Variants in BLTP1 observed in about 807,000 individuals in gnomAD.
BLTP1 encodes fragile site-associated protein.
chr4:122,209,735 A>G, the BLTP1 span: 1 of 1,497,736 alleles, frequency 6.7e-7, no homozygotes, highest in Non-Finnish European at 8.9e-7. Context: ...ATAATAATAA[A>G]ATTTGATTAT....
the BLTP1 span, chr4:122,152,405 G>A: frequency 1.0e-6 from 1 of 985,804 alleles, no homozygotes; most frequent in Non-Finnish European, 1.2e-6. Context: ...CTGCGGCCAG[G>A]GTCTGGACCT....
the BLTP1 span, among the ~76,000 whole-genome samples, chr4:122,233,019 A>C: frequency 6.6e-6 from 1 of 152,200 alleles, no homozygotes; most frequent in African/African-American, 2.4e-5. Context: ...TAGTTCCATT[A>C]GATTAATGTT....
the BLTP1 span, chr4:122,328,641 A>G: frequency 1.0e-6 from 1 of 983,070 alleles, no homozygotes; most frequent in Non-Finnish European, 1.2e-6. Flanking sequence ...GTTACGAGTA[A>G]ATTAAAGGAG....
chr4:122,200,311 C>T, the BLTP1 span: 8 of 981,996 alleles, frequency 8.1e-6, no homozygotes, highest in Non-Finnish European at 9.7e-6. Flanking sequence ...GATGTGGTGA[C>T]TCACACCTGT....
the BLTP1 span, chr4:122,247,973 C>T: frequency 2.0e-6 from 2 of 985,184 alleles, no homozygotes; most frequent in Non-Finnish European, 2.4e-6. Flanking sequence ...GATGATTGCT[C>T]TGCTGAAATC....
At chr4:122,240,500 C>A in the BLTP1 span, 1 of 672,706 alleles carries the variant, frequency 1.5e-6, no homozygotes, top group South Asian at 2.0e-5. Flanking sequence ...TATGATAGGT[C>A]ACAGAGTTAT....
At chr4:122,346,751 A>C in the BLTP1 span, 1 of 1,608,920 alleles carries the variant, frequency 6.2e-7, no homozygotes, top group South Asian at 1.1e-5. Context: ...CCAAACTATA[A>C]ATTTGCCAAG....
the BLTP1 span, among the ~76,000 whole-genome samples, chr4:122,266,047 T>C: frequency 6.6e-6 from 1 of 152,160 alleles, no homozygotes; most frequent in South Asian, 2.1e-4. Context: ...GAATGTGTAG[T>C]GAAAGAGGAG....
the BLTP1 span, chr4:122,257,478 A>T: frequency 6.2e-7 from 1 of 1,614,106 alleles, no homozygotes. Context: ...GATGGAGCAG[A>T]ATTTGAGTTC....
At chr4:122,164,181 A>G in the BLTP1 span, among the ~76,000 whole-genome samples, 1 of 152,234 alleles carries the variant, frequency 6.6e-6, no homozygotes, top group East Asian at 1.9e-4. Context: ...ATAGAGTTAC[A>G]GATGACTAGG....
At chr4:122,322,751 A>G in the BLTP1 span, among the ~76,000 whole-genome samples, 5 of 152,056 alleles carry the variant, frequency 3.3e-5, no homozygotes. Context: ...ACTTAGATGG[A>G]CCAGTATGGA....
chr4:122,353,301 T>C, the BLTP1 span: 1 of 1,361,982 alleles, frequency 7.3e-7, no homozygotes, highest in African/African-American at 1.5e-5. The surrounding 1 kb of genome is among the most constrained non-coding windows in gnomAD (Gnocchi z 4.3). Context: ...ATATTTATAA[T>C]GTCTGGAACA....
chr4:122,172,202 A>G, the BLTP1 span: 10 of 465,570 alleles, frequency 2.1e-5, no homozygotes, highest in Non-Finnish European at 2.8e-5. Context: ...TGCTTTATCC[A>G]TAATACATAA....
chr4:122,344,753 A>G, the BLTP1 span: 1 of 1,317,716 alleles, frequency 7.6e-7, no homozygotes, highest in Non-Finnish European at 9.8e-7. Context: ...TATAATTTCT[A>G]GATAAATAGA....
At chr4:122,272,660 T>G in the BLTP1 span, among the ~76,000 whole-genome samples, 8 of 152,062 alleles carry the variant, frequency 5.3e-5, no homozygotes, top group Non-Finnish European at 1.0e-4. Context: ...TGACATTTAT[T>G]CTTTGTCTTT....
At chr4:122,277,595 C>A in the BLTP1 span, 1 of 950,462 alleles carries the variant, frequency 1.1e-6, no homozygotes, top group Non-Finnish European at 1.3e-6. Flanking sequence ...TGCTTTATAT[C>A]TGTACTAGTA....
chr4:122,249,971 C>T, the BLTP1 span: 1 of 968,366 alleles, frequency 1.0e-6, no homozygotes, highest in Non-Finnish European at 1.2e-6. Context: ...TGAAACTTTG[C>T]ATCTTTGAAA....
chr4:122,264,374 G>A, the BLTP1 span: 1 of 1,611,194 alleles, frequency 6.2e-7, no homozygotes. Context: ...TGATGTGGCA[G>A]GTGTAGAAGA....
chr4:122,342,590 G>A, the BLTP1 span, among the ~76,000 whole-genome samples: 4 of 152,184 alleles, frequency 2.6e-5, no homozygotes, highest in South Asian at 2.1e-4. Flanking sequence ...TCCTGACCTC[G>A]TGATCTGCCC....
Sources: gnomAD v4.1 joint callset for allele counts (sites outside exome capture counted in the v4.1 genomes callset) on GRCh38, gnomAD v4.1.1 for gene constraint, Gnocchi (gnomAD v3.1) non-coding constraint, MANE v1.5 for transcripts, NCBI Gene and HGNC (gene_info 2026-07-23, HGNC 2026-07-21) for gene names.